Variants in P2RY10 observed in about 807,000 individuals in gnomAD.
P2RY10 encodes the protein putative P2Y purinoceptor 10.
A neutral mutation model predicts 12.1 loss-of-function variants in P2RY10; 4 were observed. The observed-to-expected ratio is 0.33, with a 90% CI of 0.16 to 0.76. P2RY10 has a LOEUF of 0.76. Ranked by LOEUF, P2RY10 falls within the 30% of genes least tolerant of loss-of-function variation. The pLI is 0.61. For synonymous variants in P2RY10, 112 were observed against 94.1 expected, an observed-to-expected ratio of 1.19 and a Z score of -1.10; for missense variants, 233 against 264.6, an observed-to-expected ratio of 0.88 and a Z score of 0.83.
At chrX:78,952,421 C>A in intron 3 of P2RY10, 86 bp downstream of exon 3, 1 of 513,702 alleles carries the variant, frequency 1.9e-6, no homozygotes, top group Non-Finnish European at 2.4e-6. Flanking sequence ...TTCAAAGCCA[C>A]AGAAGTACTG....
chrX:78,958,492 G>A (rs764501528), intron 3 of P2RY10, among the ~76,000 whole-genome samples: 57 of 112,315 alleles, frequency 5.1e-4, no homozygotes, highest in Non-Finnish European at 9.2e-4. Context: ...AGCCAGGAAT[G>A]ATAGTAAATC....
chrX:78,952,197 A>C lies in P2RY10; in HGVS notation c.-152A>C. The C allele has an allele frequency of 4.0e-6, 3 of 751,004 alleles. No individual in the cohort carries two copies. Among genetic ancestry groups the C allele is most frequent in the Non-Finnish European group, 4.7e-6 (3 of 636,450 alleles). The allele number at this position is 751,004 out of a possible 1,213,427, so 61.9% of individuals were successfully genotyped here. ...TTTTTCTGCTTTTCTTATTAGGTTA[A>C]AACTCTATGCTGGTCATTCCCTTCA... On this transcript the variant is annotated 5_prime_UTR_variant, in exon 3 of 4. It removes the in-frame stop codon of an upstream open reading frame in the 5' UTR. Transcript: ENST00000171757.
At chrX:78,948,431 G>A (rs978284298) in intron 2 of P2RY10, among the ~76,000 whole-genome samples, 1 of 111,658 alleles carries the variant, frequency 9.0e-6, no homozygotes, top group African/African-American at 3.3e-5. Flanking sequence ...TATCAGACAT[G>A]AAAATAGGTA....
At position 78,960,847 on chromosome X, in the gene P2RY10, C is replaced by G; in HGVS notation, c.327C>G (p.Cys109Trp). The G allele has an allele frequency of 8.3e-7, 1 of 1,210,767 alleles. No homozygotes were observed. Among genetic ancestry groups the G allele is most frequent in the Non-Finnish European group, 1.1e-6 (1 of 894,489 alleles). ...WPFQRALCLL[C>W]FYLKYLNMYA... ...TCCAGAGAGCCCTTTGCCTGCTCTG[C>G]TTCTACCTGAAGTATCTCAACATGT... is the stretch of plus-strand genomic sequence containing the variant. The change falls in exon 4 of 4, where the codon TGC (cysteine) becomes TGG (tryptophan). Residue 109 changes from cysteine to tryptophan, a missense_variant. Cys to Trp is a radical substitution (Grantham distance 215). Coordinates refer to ENST00000171757, the MANE Select transcript of P2RY10 (RefSeq NM_014499.4).
chrX:78,960,995 G>T lies in P2RY10; in HGVS notation c.475G>T (p.Val159Phe), dbSNP rs994112446. 9 of 1,211,638 alleles carry T rather than the reference G, an allele frequency of 7.4e-6. No individual in the cohort carries two copies. The African/African-American group carries it at 1.0e-4, about 14-fold the overall frequency. ...GGGCATCAGTGCTGCCATCTGGATC[G>T]TTGTGGGGACTGCCTGTTTGCCATT... ...DVGISAAIWI[V>F]VGTACLPFPI... is the part of the protein sequence containing the mutation. The change falls in exon 4 of 4, where the codon GTT becomes TTT. Residue 159 changes from valine (V) to phenylalanine (F), a missense_variant. Coordinates refer to ENST00000171757, the MANE Select transcript of P2RY10 (RefSeq NM_014499.4).
intron 1 of P2RY10, among the ~76,000 whole-genome samples, chrX:78,947,192 G>A (rs1482113453): frequency 9.2e-6 from 1 of 108,862 alleles, no homozygotes; most frequent in Non-Finnish European, 1.9e-5. Context: ...TCCAGCCTGG[G>A]AGACAGACCA....
At chrX:78,960,471 A>T in intron 3 of P2RY10, 37 bp from the exon 4 acceptor site, 33 of 1,075,838 alleles carry the variant, frequency 3.1e-5, no homozygotes, top group Non-Finnish European at 4.2e-5. Context: ...AGAACTAATT[A>T]ACCATTTTAC....
At position 78,961,715 on chromosome X, in the gene P2RY10, C is replaced by T. The variant is rs866407541; in HGVS notation, c.*175C>T. 2 of 353,238 alleles carry T rather than the reference C, an allele frequency of 5.7e-6. No homozygotes were observed. Among genetic ancestry groups the T allele is most frequent in the African/African-American group, 2.6e-5 (1 of 38,086 alleles). 29.1% of individuals were successfully genotyped at this position (353,238 alleles called of 1,213,427 possible). A position where few individuals can be genotyped will look rare whatever the true frequency, so the allele number is the denominator to read the frequency against. The stretch of plus-strand genomic sequence containing the variant: ...GATGGTGAAGGCAGAGTGTGAAAAA[C>T]GTGAGAGAGGAAGAGAAAATAGATT... On this transcript the variant is annotated 3_prime_UTR_variant, in exon 4 of 4. Coordinates refer to ENST00000171757, the MANE Select transcript of P2RY10 (RefSeq NM_014499.4).
At chrX:78,950,760 C>T (rs979260628) in intron 2 of P2RY10, among the ~76,000 whole-genome samples, 2 of 111,768 alleles carry the variant, frequency 1.8e-5, no homozygotes, top group African/African-American at 6.5e-5. Context: ...AGAAATACCA[C>T]TTTAAAATAT....
chrX:78,945,866 A>G (rs189782590), intron 1 of P2RY10, among the ~76,000 whole-genome samples: 2 of 112,168 alleles, frequency 1.8e-5, no homozygotes, highest in East Asian at 5.6e-4. Context: ...AGTCAATTTA[A>G]TTTTTTATGG....
intron 3 of P2RY10, among the ~76,000 whole-genome samples, chrX:78,959,649 G>A (rs778250412): frequency 1.2e-4 from 13 of 111,391 alleles, no homozygotes; most frequent in Admixed American, 9.5e-5. Context: ...GGTTTCAGTG[G>A]CCCTGTTTTG....
intron 1 of P2RY10, among the ~76,000 whole-genome samples, chrX:78,947,377 T>G (rs926746743): frequency 4.5e-5 from 5 of 112,000 alleles, no homozygotes; most frequent in Admixed American, 2.8e-4. Context: ...TTTAAAAGCT[T>G]TTGGCAAAAA....
chrX:78,959,359 G>T (rs1187101753), intron 3 of P2RY10, among the ~76,000 whole-genome samples: 1 of 110,809 alleles, frequency 9.0e-6, no homozygotes, highest in Admixed American at 9.6e-5. Context: ...ATTTCCAAAG[G>T]TCCTTCCCAG....
At chrX:78,958,188 T>A (rs1430161963) in intron 3 of P2RY10, among the ~76,000 whole-genome samples, 1 of 112,607 alleles carries the variant, frequency 8.9e-6, no homozygotes, top group African/African-American at 3.2e-5. Context: ...GTTATATAAG[T>A]TCCTACTATG....
intron 1 of P2RY10, among the ~76,000 whole-genome samples, chrX:78,946,292 G>A (rs760830743): frequency 1.8e-5 from 2 of 111,746 alleles, no homozygotes; most frequent in African/African-American, 3.3e-5. Flanking sequence ...AATTTTGACC[G>A]AAGTTCAGCC....
chrX:78,947,596 A>C (rs182177948), intron 1 of P2RY10, among the ~76,000 whole-genome samples: 22 of 111,910 alleles, frequency 2.0e-4, no homozygotes, highest in Middle Eastern at 4.6e-3. Context: ...ATCTATTATA[A>C]TGGGAGAGGG....
Position 78,961,422 on chromosome X carries a change from A to G in P2RY10, c.902A>G (p.Asp301Gly), listed in dbSNP as rs763271075. Residue 301 changes from aspartate (D) to glycine (G), a missense_variant, in exon 4 of 4, where the codon GAT (aspartate) becomes GGT (glycine). Transcript: ENST00000171757. ...LCLASLCCLL[D>G]PILYYFMASE... Reference sequence around the variant, plus strand: ...CTTGCAAGTCTCTGCTGCCTTTTGGATCCAATTCTTTATTACTTTATGGCT... The same window carrying G: ...CTTGCAAGTCTCTGCTGCCTTTTGGGTCCAATTCTTTATTACTTTATGGCT... 2 of 1,210,484 alleles carry G rather than the reference A, an allele frequency of 1.7e-6. No individual in the cohort carries two copies. Among genetic ancestry groups the G allele is most frequent in the Admixed American group, 4.4e-5 (2 of 45,945 alleles).
rs1256557949 is a variant in P2RY10, at chrX:78,961,499, C to T, written c.979C>T (p.Arg327Cys). Residue 327 changes from arginine to cysteine, a missense_variant, in exon 4 of 4, where the codon CGC becomes TGC. Transcript: ENST00000171757. ...CCATGGCAGTTCTGTGACCCGCTCC[C>T]GCCTCATGAGCAAGGAGAGTGGTTC... ...SRHGSSVTRS[R>C]LMSKESGSSM... The T allele has an allele frequency of 1.7e-6, 2 of 1,207,746 alleles. No individual in the cohort carries two copies. The highest frequency in any genetic ancestry group is 2.2e-6 in the Non-Finnish European group (2 of 893,022).
chrX:78,949,980 C>T (rs2858572), intron 2 of P2RY10, among the ~76,000 whole-genome samples: 1,204 of 111,782 alleles, frequency 0.011, 56 homozygotes, highest in Admixed American at 0.1. Flanking sequence ...GTTAAGTTCC[C>T]AGATGACATG....
Sources: allele counts gnomAD v4.1 joint callset (sites outside exome capture counted in the v4.1 genomes callset), GRCh38; gene constraint gnomAD v4.1.1; transcripts MANE v1.5; gene names NCBI Gene and HGNC (gene_info 2026-07-23, HGNC 2026-07-21).